The following CAPS2 variants were observed in gnomAD, a reference collection of about 807,000 sequenced individuals.
CAPS2 encodes the protein calcyphosin-2.
Under a neutral mutation model 86.5 loss-of-function variants are expected in CAPS2, and 98 were observed. The observed-to-expected ratio is 1.13, with a 90% confidence interval of 0.96 to 1.34. CAPS2 has a LOEUF of 1.34. CAPS2 is among the 40% of genes most tolerant of loss of function. The pLI, the probability that CAPS2 is intolerant of heterozygous loss-of-function variation, is 0.00. For missense variants in CAPS2, 729 were observed against 686.8 expected (o/e 1.06, Z -0.69); for synonymous variants, 210 against 225.1 (o/e 0.93, Z 0.60).
At chr12:75,279,690 C>T (rs1431878488) in intron 16 of CAPS2, among the ~76,000 whole-genome samples, 2 of 151,760 alleles carry the variant, frequency 1.3e-5, no homozygotes, top group Admixed American at 6.6e-5. Flanking sequence ...AAAACATACA[C>T]AAGAAATAGA....
chr12:75,277,464 A>T (rs1424397200), exon 17 of CAPS2: 1 of 918,350 alleles, frequency 1.1e-6, no homozygotes, highest in Non-Finnish European at 1.3e-6. Context: ...TTATAGACTT[A>T]TTTCTGCCAA....
chr12:75,291,757 GA>G lies in CAPS2; in HGVS notation c.1226del (p.Phe409SerfsTer8). ...AATAACACATACCTTGAATTGCTTT[GA>G]AGACCAGCCTATCATTGGTTTCTTG... On this transcript the variant is annotated frameshift_variant, in exon 13 of 17. Transcript: ENST00000393284. LOFTEE classifies it high-confidence loss of function. The G allele has an allele frequency of 6.4e-7, 1 of 1,561,952 alleles. No individual in the cohort carries two copies. Among genetic ancestry groups the G allele is most frequent in the Non-Finnish European group, 8.7e-7 (1 of 1,146,436 alleles).
intron 1 of CAPS2, among the ~76,000 whole-genome samples, chr12:75,341,297 C>A (rs1317834178): frequency 6.6e-6 from 1 of 152,096 alleles, no homozygotes. Flanking sequence ...TACATCTATA[C>A]CATGGAATAT....
At chr12:75,384,149 A>G (rs765803763) in intron 1 of CAPS2, among the ~76,000 whole-genome samples, 2 of 152,206 alleles carry the variant, frequency 1.3e-5, no homozygotes, top group African/African-American at 4.8e-5. Flanking sequence ...AAGCAGAAGA[A>G]ATAATAAAAA....
At chr12:75,320,060 T>G (rs962455096) in intron 5 of CAPS2, among the ~76,000 whole-genome samples, 2 of 152,124 alleles carry the variant, frequency 1.3e-5, no homozygotes, top group African/African-American at 2.4e-5. Context: ...CTTAATAATT[T>G]CACACCTTTA....
At chr12:75,333,125 C>A (rs957747679), upstream of CAPS2, among the ~76,000 whole-genome samples, 1 of 152,114 alleles carries the variant, frequency 6.6e-6, no homozygotes, top group Non-Finnish European at 1.5e-5. Context: ...TGTAGCCCCC[C>A]ACTGTAATGT....
At chr12:75,278,992 T>G (rs2033392206) in exon 17 of CAPS2, 1 of 1,610,808 alleles carries the variant, frequency 6.2e-7, no homozygotes, top group Non-Finnish European at 8.5e-7. Context: ...CATATGACAC[T>G]TCATCAGACT....
intron 1 of CAPS2, among the ~76,000 whole-genome samples, chr12:75,378,218 T>A (rs1304198083): frequency 6.6e-6 from 1 of 152,116 alleles, no homozygotes. Flanking sequence ...AGGCTGGTCT[T>A]GAACTCCTAA....
intron 1 of CAPS2, among the ~76,000 whole-genome samples, chr12:75,386,440 G>C (rs550832746): frequency 2.8e-4 from 42 of 152,168 alleles, no homozygotes; most frequent in Non-Finnish European, 5.0e-4. Context: ...AGTTCACAGA[G>C]GAAGAGAGTG....
At chr12:75,314,391 T>A (rs937019516) in intron 6 of CAPS2, among the ~76,000 whole-genome samples, 3 of 152,156 alleles carry the variant, frequency 2.0e-5, no homozygotes, top group Non-Finnish European at 4.4e-5. Context: ...AACACTGTTA[T>A]TTAACATTAT....
At chr12:75,276,098 T>A, downstream of CAPS2, 1 of 1,120,370 alleles carries the variant, frequency 8.9e-7, no homozygotes, top group Non-Finnish European at 1.2e-6. Context: ...CTTCTCATGA[T>A]CAGAAACGAA....
At chr12:75,297,528 C>T (rs1403814972) in intron 11 of CAPS2, among the ~76,000 whole-genome samples, 1 of 152,136 alleles carries the variant, frequency 6.6e-6, no homozygotes, top group Admixed American at 6.5e-5. Context: ...TCCTATCCTG[C>T]CCTTGTGTAT....
chr12:75,364,275 G>T (rs1248421478), intron 1 of CAPS2, among the ~76,000 whole-genome samples: 4 of 152,176 alleles, frequency 2.6e-5, no homozygotes, highest in Admixed American at 6.5e-5. Context: ...GTTAACTTTG[G>T]AATGCACCTT....
At chr12:75,372,558 G>C (rs561253484) in intron 1 of CAPS2, among the ~76,000 whole-genome samples, 2 of 152,314 alleles carry the variant, frequency 1.3e-5, no homozygotes, top group African/African-American at 4.8e-5. Flanking sequence ...CACTAGGGGT[G>C]ATGGTGAGTG....
chr12:75,316,477 G>T, intron 5 of CAPS2, 43 bp from the exon 6 acceptor site: 2 of 1,464,610 alleles, frequency 1.4e-6, no homozygotes, highest in Non-Finnish European at 1.8e-6. Context: ...CACATATTTA[G>T]AATGTTTGTT....
At chr12:75,385,691 T>C (rs2045255203) in intron 1 of CAPS2, among the ~76,000 whole-genome samples, 1 of 152,226 alleles carries the variant, frequency 6.6e-6, no homozygotes, top group African/African-American at 2.4e-5. Flanking sequence ...TAATTATTTA[T>C]GTACAAAATC....
chr12:75,354,123 G>A (rs572062109), intron 1 of CAPS2, among the ~76,000 whole-genome samples: 4 of 136,394 alleles, frequency 2.9e-5, no homozygotes, highest in Admixed American at 7.5e-5. Context: ...ATTCAACATA[G>A]TATTGGAAGT....
intron 7 of CAPS2, among the ~76,000 whole-genome samples, chr12:75,308,894 C>A (rs1327940881): frequency 1.7e-5 from 2 of 114,710 alleles, no homozygotes; most frequent in Non-Finnish European, 3.4e-5. Context: ...CAGAGCGAGA[C>A]TCGGTCTCAA....
At chr12:75,351,200 C>A (rs2042786340) in intron 1 of CAPS2, among the ~76,000 whole-genome samples, 1 of 152,124 alleles carries the variant, frequency 6.6e-6, no homozygotes, top group Non-Finnish European at 1.5e-5. Flanking sequence ...TAAGATTGAA[C>A]CTATGACTGA....
Sources: gnomAD v4.1 joint callset for allele counts (sites outside exome capture counted in the v4.1 genomes callset) on GRCh38, gnomAD v4.1.1 for gene constraint, MANE v1.5 for transcripts, NCBI Gene and HGNC (gene_info 2026-07-23, HGNC 2026-07-21) for gene names.